Variants in FRMD6 observed in about 807,000 individuals in gnomAD.
The protein encoded by FRMD6 is FERM domain containing 6, also known as FERM domain-containing protein 6.
A neutral mutation model predicts 73.2 loss-of-function variants in FRMD6; 37 were observed. The observed-to-expected ratio is 0.51, with a 90% CI of 0.39 to 0.66. The LOEUF is 0.66. FRMD6 is among the 30% of genes least tolerant of loss of function. The pLI, the probability that FRMD6 is intolerant of heterozygous loss-of-function variation, is 0.00. For synonymous variants in FRMD6, 273 were observed against 282.2 expected (o/e 0.97, Z 0.33); for missense variants, 714 against 780.5 (o/e 0.91, Z 1.02).
At chr14:51,537,385 T>C (rs937057119) in intron 1 of FRMD6, among the ~76,000 whole-genome samples, 22 of 152,186 alleles carry the variant, frequency 1.4e-4, no homozygotes, top group African/African-American at 5.3e-4. Context: ...GGACCACAGT[T>C]TTTATTTATC....
chr14:51,720,868 A>G (rs1460842645), intron 11 of FRMD6, among the ~76,000 whole-genome samples: 1 of 152,248 alleles, frequency 6.6e-6, no homozygotes, highest in African/African-American at 2.4e-5. Context: ...GGAGGATAAA[A>G]GAAATATAGC....
chr14:51,724,435 GT>G (rs1043595509), intron 12 of FRMD6, among the ~76,000 whole-genome samples: 2 of 152,140 alleles, frequency 1.3e-5, no homozygotes, highest in African/African-American at 4.8e-5. Context: ...TTGTTTAAAG[GT>G]TTAATGCTCT....
chr14:51,469,612 CA>C, the FRMD6 span, among the ~76,000 whole-genome samples: 538 of 42,546 alleles, frequency 0.013, 1 homozygote, highest in African/African-American at 0.048. Flanking sequence ...GACTCCATTT[CA>C]AAAAGAAAAA....
chr14:51,492,126 AGAG>A (rs1372638591), intron 1 of FRMD6, among the ~76,000 whole-genome samples: 1 of 152,180 alleles, frequency 6.6e-6, no homozygotes, highest in East Asian at 1.9e-4. Flanking sequence ...TCCTGCTTTA[AGAG>A]GAGTCAGGAA....
chr14:51,517,709 T>G (rs1884709829), intron 1 of FRMD6, among the ~76,000 whole-genome samples: 1 of 152,168 alleles, frequency 6.6e-6, no homozygotes, highest in East Asian at 1.9e-4. Context: ...AGCAATGGGC[T>G]GAAATGTAAT....
intron 1 of FRMD6, among the ~76,000 whole-genome samples, chr14:51,500,284 T>C (rs1243089708): frequency 6.6e-6 from 1 of 152,072 alleles, no homozygotes; most frequent in Non-Finnish European, 1.5e-5. Context: ...ATTCCAGCAC[T>C]TTGAGGGTCC....
At chr14:51,623,934 G>T (rs559264232) in intron 2 of FRMD6, among the ~76,000 whole-genome samples, 6 of 152,186 alleles carry the variant, frequency 3.9e-5, no homozygotes, top group Non-Finnish European at 8.8e-5. Context: ...AATTTTCTGT[G>T]AATGTGGTAC....
the FRMD6 span, among the ~76,000 whole-genome samples, chr14:51,430,019 T>C: frequency 2.6e-5 from 4 of 152,168 alleles, no homozygotes; most frequent in Admixed American, 2.6e-4. Context: ...CCATTTTAAA[T>C]GCATGAAGCT....
At chr14:51,517,547 G>C (rs1487130651) in intron 1 of FRMD6, among the ~76,000 whole-genome samples, 7 of 152,222 alleles carry the variant, frequency 4.6e-5, no homozygotes, top group Admixed American at 3.3e-4. Flanking sequence ...ACTCTCCACT[G>C]TTGGTGGGGA....
At chr14:51,560,539 CAAT>C (rs1887422613) in intron 1 of FRMD6, among the ~76,000 whole-genome samples, 1 of 152,202 alleles carries the variant, frequency 6.6e-6, no homozygotes, top group Non-Finnish European at 1.5e-5. Context: ...GGCTGGTGTG[CAAT>C]ACCATGATCT....
chr14:51,436,822 A>G, the FRMD6 span: 1 of 546,950 alleles, frequency 1.8e-6, no homozygotes, highest in East Asian at 4.1e-5. Context: ...ATGAAGATGA[A>G]GAAGGAGAAG....
intron 2 of FRMD6, among the ~76,000 whole-genome samples, chr14:51,600,654 A>G (rs1371290323): frequency 1.3e-5 from 2 of 152,232 alleles, no homozygotes; most frequent in East Asian, 3.8e-4. Context: ...TAAGGCAGCA[A>G]TTTCATCTAC....
At chr14:51,518,560 T>G (rs1258429158) in intron 1 of FRMD6, among the ~76,000 whole-genome samples, 2 of 152,244 alleles carry the variant, frequency 1.3e-5, no homozygotes, top group Non-Finnish European at 2.9e-5. Context: ...ACACTATTTA[T>G]AAACTGTACT....
the FRMD6 span, among the ~76,000 whole-genome samples, chr14:51,423,186 A>G: frequency 1.3e-5 from 2 of 152,318 alleles, no homozygotes; most frequent in East Asian, 3.9e-4. Context: ...AAGTCTCAGG[A>G]TATGGTCACT....
At chr14:51,570,026 AGGAT>A (rs748172392) in intron 1 of FRMD6, among the ~76,000 whole-genome samples, 12 of 152,038 alleles carry the variant, frequency 7.9e-5, no homozygotes, top group East Asian at 1.9e-4. Context: ...CATGTTAGCC[AGGAT>A]GGTCTCGATC....
At chr14:51,540,777 G>T (rs1886163001) in intron 1 of FRMD6, among the ~76,000 whole-genome samples, 1 of 151,890 alleles carries the variant, frequency 6.6e-6, no homozygotes, top group African/African-American at 2.4e-5. Context: ...TAATTGTTTT[G>T]CTGTCAATAA....
intron 1 of FRMD6, among the ~76,000 whole-genome samples, chr14:51,524,164 C>T (rs1252211737): frequency 6.6e-6 from 1 of 152,168 alleles, no homozygotes; most frequent in African/African-American, 2.4e-5. Context: ...TGAATCCAGC[C>T]TTTCTAAGTT....
chr14:51,568,279 GT>G (rs1403543123), intron 1 of FRMD6, among the ~76,000 whole-genome samples: 1 of 152,244 alleles, frequency 6.6e-6, no homozygotes, highest in Non-Finnish European at 1.5e-5. Context: ...AGAATGATAG[GT>G]CCAGCTAAAG....
chr14:51,407,482 G>C, the FRMD6 span, among the ~76,000 whole-genome samples: 1 of 151,198 alleles, frequency 6.6e-6, no homozygotes. Context: ...ATTCAAAATT[G>C]GTGAAAAATA....
Sources: gnomAD v4.1 joint callset for allele counts (sites outside exome capture counted in the v4.1 genomes callset) on GRCh38, gnomAD v4.1.1 for gene constraint, MANE v1.5 for transcripts, NCBI Gene and HGNC (gene_info 2026-07-23, HGNC 2026-07-21) for gene names.